The following STARD3NL variants were observed in gnomAD, a reference collection of about 807,000 sequenced individuals.
STARD3NL encodes the protein STARD3 N-terminal like, also known as STARD3 N-terminal-like protein.
In STARD3NL, 17 loss-of-function variants were observed where a neutral mutation model predicts 30.9. That is an observed-to-expected ratio of 0.55 (90% confidence interval 0.38 to 0.82). The LOEUF (loss-of-function observed/expected upper bound fraction) is 0.82. STARD3NL is among the 40% of genes least tolerant of loss of function. STARD3NL has a pLI of 0.00. For synonymous variants in STARD3NL, 112 were observed against 100.5 expected (o/e 1.11, Z -0.69); for missense variants, 234 against 277.6 (o/e 0.84, Z 1.12).
At chr7:38,184,489 G>A (rs1784375923) in intron 1 of STARD3NL, among the ~76,000 whole-genome samples, 3 of 151,708 alleles carry the variant, frequency 2.0e-5, no homozygotes, top group African/African-American at 7.3e-5. Flanking sequence ...CATGTCACAT[G>A]GCAAGAGCGG....
chr7:38,221,212 T>TA (rs1562624943), intron 7 of STARD3NL, among the ~76,000 whole-genome samples: 1 of 152,296 alleles, frequency 6.6e-6, no homozygotes, highest in South Asian at 2.1e-4. Context: ...TTTTCTATGG[T>TA]AAAAAACCCA....
chr7:38,216,752 G>A (rs754676413), intron 4 of STARD3NL: 1 of 470,236 alleles, frequency 2.1e-6, no homozygotes, highest in Non-Finnish European at 3.8e-6. Context: ...CCTTCTGGTG[G>A]ATCAAACTTA....
chr7:38,181,365 T>G (rs1784239898), intron 1 of STARD3NL, among the ~76,000 whole-genome samples: 2 of 152,182 alleles, frequency 1.3e-5, no homozygotes, highest in South Asian at 4.1e-4. Context: ...ATATAACTTC[T>G]TTTTCTTAGT....
intron 2 of STARD3NL, among the ~76,000 whole-genome samples, chr7:38,210,475 G>T (rs937402088): frequency 1.3e-5 from 2 of 152,138 alleles, no homozygotes; most frequent in Non-Finnish European, 2.9e-5. Flanking sequence ...AGCCTCAAAT[G>T]CAGGGCTCGG....
At chr7:38,189,993 C>T (rs567324514) in intron 1 of STARD3NL, among the ~76,000 whole-genome samples, 1 of 152,226 alleles carries the variant, frequency 6.6e-6, no homozygotes, top group African/African-American at 2.4e-5. Context: ...CAAAGTTGGT[C>T]TCATGATTTT....
In STARD3NL at chr7:38,200,221, A is replaced by G. The variant is rs114856880; in HGVS notation, c.-58-7226A>G. ...CAGCTGGGTAGATGTAGTCCTCCCC[A>G]CTGTTCCCCTCAAAGCCCCCACCCC... On this transcript the variant is annotated intron_variant, in intron 1 of 8. Coordinates refer to ENST00000009041, the MANE Select transcript of STARD3NL (RefSeq NM_032016.4). 5.1e-3 allele frequency among the ~76,000 whole-genome samples: 779 copies of G among 152,128 alleles called. 3 individuals are homozygous for G. Among genetic ancestry groups the G allele is most frequent in the African/African-American group, 0.018 (742 of 41,494 alleles).
intron 1 of STARD3NL, among the ~76,000 whole-genome samples, chr7:38,186,821 C>G (rs1260231192): frequency 6.6e-6 from 1 of 152,020 alleles, no homozygotes; most frequent in Non-Finnish European, 1.5e-5. Context: ...CAAAATGTAT[C>G]CCTGTCATTA....
intron 2 of STARD3NL, among the ~76,000 whole-genome samples, chr7:38,209,005 AAAT>A (rs1306133560): frequency 5.9e-5 from 9 of 152,170 alleles, no homozygotes; most frequent in Non-Finnish European, 1.3e-4. Flanking sequence ...TTACATTAGA[AAAT>A]AATATTTGTC....
chr7:38,222,689 C>T (rs1786538019), intron 7 of STARD3NL, among the ~76,000 whole-genome samples: 1 of 152,136 alleles, frequency 6.6e-6, no homozygotes, highest in African/African-American at 2.4e-5. Context: ...CCTAGTGGTA[C>T]CTTGGAGCAT....
chr7:38,197,143 T>TCTTC (rs1491340134), intron 1 of STARD3NL, among the ~76,000 whole-genome samples: 1 of 134,780 alleles, frequency 7.4e-6, no homozygotes, highest in Non-Finnish European at 1.6e-5. Flanking sequence ...CTTTTTTCTT[T>TCTTC]CTTTCTTTCT....
chr7:38,209,857 A>C (rs893725439), intron 2 of STARD3NL, among the ~76,000 whole-genome samples: 1 of 152,208 alleles, frequency 6.6e-6, no homozygotes, highest in Admixed American at 6.5e-5. Context: ...TTACATCTGC[A>C]TGCAACGTGT....
intron 2 of STARD3NL, among the ~76,000 whole-genome samples, chr7:38,210,672 T>C (rs1785746432): frequency 1.3e-5 from 2 of 152,188 alleles, no homozygotes; most frequent in Admixed American, 6.5e-5. Context: ...CCCTGAGGAC[T>C]CTTTTCCCTC....
intron 4 of STARD3NL, 127 bp downstream of exon 4, chr7:38,215,232 C>T (rs1786035857): frequency 1.3e-6 from 1 of 774,294 alleles, no homozygotes; most frequent in Non-Finnish European, 2.1e-6. Context: ...TTTCCTGAGT[C>T]CCGTTTCCTC....
At chr7:38,213,153 A>G (rs969744964) in intron 2 of STARD3NL, among the ~76,000 whole-genome samples, 1 of 152,154 alleles carries the variant, frequency 6.6e-6, no homozygotes, top group Non-Finnish European at 1.5e-5. Context: ...GCCGCTTGGA[A>G]TAATCATTCT....
chr7:38,226,001 T>A (rs1022994484), intron 7 of STARD3NL, among the ~76,000 whole-genome samples: 2 of 152,216 alleles, frequency 1.3e-5, no homozygotes, highest in African/African-American at 4.8e-5. Flanking sequence ...TTCCTCCTTC[T>A]GGGATTCCCA....
At chr7:38,192,120 T>C (rs1297938928) in intron 1 of STARD3NL, among the ~76,000 whole-genome samples, 1 of 152,192 alleles carries the variant, frequency 6.6e-6, no homozygotes, top group Non-Finnish European at 1.5e-5. Flanking sequence ...ATTTATTCCT[T>C]AGTGTTTTGT....
intron 1 of STARD3NL, among the ~76,000 whole-genome samples, chr7:38,185,578 C>CA (rs1784424379): frequency 6.6e-6 from 1 of 152,134 alleles, no homozygotes; most frequent in South Asian, 2.1e-4. Context: ...CAAGAGCCAC[C>CA]AAAGGGACAG....
chr7:38,228,839 A>T lies in STARD3NL; in HGVS notation c.690A>T (p.Pro230=). The T allele has an allele frequency of 6.2e-7, 1 of 1,612,900 alleles. No homozygotes were observed. Among genetic ancestry groups the T allele is most frequent in the Non-Finnish European group, 8.5e-7 (1 of 1,179,340 alleles). ...EAEEKQDSEK[P]LLEL ...AAGAAAAACAGGACAGTGAGAAACC[A>T]CTTTTAGAACTATGAGTACTACTTT... Residue 230 remains proline, a synonymous_variant, in exon 8 of 9, where the codon CCA becomes CCT. Coordinates refer to ENST00000009041, the MANE Select transcript of STARD3NL (RefSeq NM_032016.4).
chr7:38,194,854 A>G (rs1784836669), intron 1 of STARD3NL, among the ~76,000 whole-genome samples: 1 of 152,236 alleles, frequency 6.6e-6, no homozygotes, highest in African/African-American at 2.4e-5. Flanking sequence ...ATCTGTCTTA[A>G]AAATTTTAAT....
Sources: allele counts gnomAD v4.1 joint callset (sites outside exome capture counted in the v4.1 genomes callset), GRCh38; gene constraint gnomAD v4.1.1; transcripts MANE v1.5; gene names NCBI Gene and HGNC (gene_info 2026-07-23, HGNC 2026-07-21).